UBR1: variants seen among roughly 807,000 people sequenced by gnomAD.
UBR1 encodes ubiquitin protein ligase E3 component n-recognin 1, also known as E3 ubiquitin-protein ligase UBR1.
In UBR1, 102 loss-of-function variants were observed where a neutral mutation model predicts 242.1. The observed-to-expected ratio is 0.42, with a 90% CI of 0.36 to 0.50. UBR1 has a LOEUF of 0.50. Ranked by LOEUF, UBR1 falls within the 20% of genes least tolerant of loss-of-function variation. The pLI, the probability that UBR1 is intolerant of heterozygous loss-of-function variation, is 0.01. For synonymous variants in UBR1, 675 were observed against 684.8 expected (o/e 0.99, Z 0.22); for missense variants, 1,772 against 2,101.8 (o/e 0.84, Z 3.07).
At chr15:42,951,427 T>C (rs370948464) in intron 45 of UBR1, among the ~76,000 whole-genome samples, 12 of 152,300 alleles carry the variant, frequency 7.9e-5, no homozygotes, top group Non-Finnish European at 1.0e-4. Context: ...TTTCACCACG[T>C]TGGCCAGGCT....
At chr15:43,080,677 G>A (rs535639416) in intron 3 of UBR1, among the ~76,000 whole-genome samples, 5 of 152,126 alleles carry the variant, frequency 3.3e-5, no homozygotes, top group Non-Finnish European at 7.3e-5. Flanking sequence ...TTCACTGGCC[G>A]GGCGTGGTGG....
At chr15:43,078,987 A>C (rs1298457997) in intron 3 of UBR1, among the ~76,000 whole-genome samples, 1 of 152,218 alleles carries the variant, frequency 6.6e-6, no homozygotes, top group Non-Finnish European at 1.5e-5. Context: ...AGTATCCAAA[A>C]TATAGACTCA....
At chr15:42,974,810 A>C (rs2032263259) in intron 39 of UBR1, among the ~76,000 whole-genome samples, 1 of 152,034 alleles carries the variant, frequency 6.6e-6, no homozygotes, top group African/African-American at 2.4e-5. Context: ...GAGTCTCACT[A>C]TGCTGCCCAG....
At chr15:43,064,944 G>A (rs2033734342) in intron 6 of UBR1, among the ~76,000 whole-genome samples, 1 of 152,158 alleles carries the variant, frequency 6.6e-6, no homozygotes. Context: ...TCCTAAGAAG[G>A]ATATTTAAAG....
At position 43,067,946 on chromosome 15, in the gene UBR1, G is replaced by A; in HGVS notation, c.750C>T (p.Asp250=). The A allele has an allele frequency of 6.2e-7, 1 of 1,613,878 alleles. No individual in the cohort carries two copies. Among genetic ancestry groups the A allele is most frequent in the Non-Finnish European group, 8.5e-7 (1 of 1,179,970 alleles). The change falls in exon 6 of 47, where the codon GAC becomes GAT. Residue 250 remains aspartate, a synonymous_variant. Transcript: ENST00000290650. The part of the protein sequence containing the change: ...HVIYSLQRAL[D]CELAEAQLHT... ...GCAACTGGGCCTCTGCGAGCTCACA[G>A]TCAAGAGCTCTTTGTAGGCTGTATA...
At chr15:43,080,950 CA>C (rs1016851380) in intron 3 of UBR1, among the ~76,000 whole-genome samples, 7 of 145,074 alleles carry the variant, frequency 4.8e-5, no homozygotes, top group South Asian at 2.2e-4. Context: ...GACTCCATCT[CA>C]AAAAAAAAAC....
rs1315598396 is a variant in UBR1 at position 43,037,801 on chromosome 15, C to T, written c.1994G>A (p.Arg665Gln). 4 of 1,613,962 alleles carry T rather than the reference C, an allele frequency of 2.5e-6. No homozygotes were observed. The highest frequency in any genetic ancestry group is 2.2e-5 in the East Asian group (1 of 44,884). The change falls in exon 17 of 47, where the codon CGA (arginine) becomes CAA (glutamine). Residue 665 changes from arginine to glutamine, a missense_variant. This residue lies in a region of UBR1 where 734 missense variants were observed against 893.3 expected (regional missense o/e 0.82). Transcript: ENST00000290650. ...LVAQVVAEMW[R>Q]RNGLSLISQV... Reference sequence around the variant, plus strand: ...GCTAATAAGAGACAGTCCATTTCTTCGCCACATCTCAGCAACAACCTGGGC... The same window carrying T: ...GCTAATAAGAGACAGTCCATTTCTTTGCCACATCTCAGCAACAACCTGGGC...
At chr15:43,005,236 A>G (rs956897487) in intron 30 of UBR1, among the ~76,000 whole-genome samples, 4 of 150,814 alleles carry the variant, frequency 2.7e-5, no homozygotes, top group African/African-American at 7.3e-5. Context: ...CGCCCGGTCC[A>G]GGAGGTGGGG....
intron 37 of UBR1, among the ~76,000 whole-genome samples, chr15:42,983,470 C>T (rs2032408999): frequency 6.6e-6 from 1 of 151,328 alleles, no homozygotes; most frequent in South Asian, 2.1e-4. Flanking sequence ...CCAGCCTGGC[C>T]AACATGGTGA....
chr15:42,946,844 T>C (rs1313514126), intron 46 of UBR1, among the ~76,000 whole-genome samples: 1 of 152,126 alleles, frequency 6.6e-6, no homozygotes, highest in African/African-American at 2.4e-5. Flanking sequence ...AAGGCTGATA[T>C]AGCTGGCTAA....
At chr15:42,994,172 A>G (rs1296561612) in intron 33 of UBR1, among the ~76,000 whole-genome samples, 1 of 152,166 alleles carries the variant, frequency 6.6e-6, no homozygotes, top group African/African-American at 2.4e-5. Context: ...TGTGGATAGT[A>G]TAAGTATCGT....
At chr15:42,999,536 G>T (rs536860645) in intron 32 of UBR1, among the ~76,000 whole-genome samples, 96 of 152,212 alleles carry the variant, frequency 6.3e-4, no homozygotes, top group African/African-American at 2.2e-3. Flanking sequence ...CTGTTATTAA[G>T]AACAAAGAAG....
intron 44 of UBR1, among the ~76,000 whole-genome samples, chr15:42,955,840 G>C (rs1432580190): frequency 5.3e-5 from 8 of 152,118 alleles, no homozygotes; most frequent in Non-Finnish European, 1.2e-4. Context: ...TAAGCTACAG[G>C]ACATTATTTT....
In UBR1 at chr15:43,047,190, G is replaced by A; in HGVS notation, c.1639C>T (p.Leu547Phe). Reference protein sequence around the residue: ...AIQMQLKNILLMFQEWCACDE... With the variant: ...AIQMQLKNILFMFQEWCACDE... ...CAAGCACACCACTCTTGGAACATGA[G>A]TAAAATATTCTTCAATTGCATCTGT... Residue 547 changes from leucine (L) to phenylalanine (F), a missense_variant, in exon 14 of 47, where the codon CTC becomes TTC. Physicochemically the swap from Leu to Phe is conservative, Grantham distance 22. Coordinates refer to ENST00000290650, the MANE Select transcript of UBR1 (RefSeq NM_174916.3). 1 of 1,614,128 alleles carries A rather than the reference G, an allele frequency of 6.2e-7. No homozygotes were observed. The highest frequency in any genetic ancestry group is 1.3e-5 in the African/African-American group (1 of 75,030).
chr15:43,057,277 T>C (rs1270932665), intron 10 of UBR1, among the ~76,000 whole-genome samples: 1 of 152,238 alleles, frequency 6.6e-6, no homozygotes, highest in African/African-American at 2.4e-5. Context: ...TAGTTACTTT[T>C]AAGTCTGCAT....
intron 20 of UBR1, among the ~76,000 whole-genome samples, chr15:43,030,809 A>C (rs1031047744): frequency 4.6e-5 from 7 of 152,234 alleles, no homozygotes; most frequent in African/African-American, 1.7e-4. Flanking sequence ...TATGATATCT[A>C]TAAGAGGGTT....
At chr15:42,998,608 T>G (rs2032675027) in intron 32 of UBR1, among the ~76,000 whole-genome samples, 1 of 152,194 alleles carries the variant, frequency 6.6e-6, no homozygotes, top group Admixed American at 6.5e-5. Flanking sequence ...TTAATTAACC[T>G]TGCAGGTTTT....
intron 29 of UBR1, 132 bp from the exon 30 acceptor site, chr15:43,007,416 T>C: frequency 1.1e-6 from 1 of 870,698 alleles, no homozygotes; most frequent in Non-Finnish European, 1.8e-6. Flanking sequence ...TTTAGCAATA[T>C]TAAGTTAAAA....
intron 32 of UBR1, 107 bp from the exon 33 acceptor site, chr15:42,998,372 T>A: frequency 1.0e-6 from 1 of 955,906 alleles, no homozygotes; most frequent in Non-Finnish European, 1.6e-6. Context: ...AAAAGTTGAG[T>A]TCCTCCAGAT....
Sources: gnomAD v4.1 joint callset for allele counts (sites outside exome capture counted in the v4.1 genomes callset) on GRCh38, gnomAD v4.1.1 for gene constraint, gnomAD v4.1.1 regional missense constraint, MANE v1.5 for transcripts, NCBI Gene and HGNC (gene_info 2026-07-23, HGNC 2026-07-21) for gene names.